NLRX1: variants seen among roughly 807,000 people sequenced by gnomAD.
NLRX1 encodes NOD-like receptor X1.
Under a neutral mutation model 74.2 loss-of-function variants are expected in NLRX1, and 67 were observed. The observed-to-expected ratio is 0.90, with a 90% CI of 0.74 to 1.11. The LOEUF (loss-of-function observed/expected upper bound fraction) is 1.11. Among genes scored for constraint, NLRX1 ranks in the 50% least tolerant of loss-of-function variants. The pLI is 0.00. For synonymous variants in NLRX1, 506 were observed against 559.1 expected, an observed-to-expected ratio of 0.91 and a Z score of 1.34; for missense variants, 1,191 against 1,305.4, an observed-to-expected ratio of 0.91 and a Z score of 1.35.
Position 119,172,368 on chromosome 11 carries a change from C to G in NLRX1, c.83C>G (p.Pro28Arg). Residue 28 changes from proline (P) to arginine (R), a missense_variant, in exon 3 of 10, where the codon CCC becomes CGC. By Grantham distance (103) the Pro-to-Arg change is moderately radical (BLOSUM62 -2). Transcript: ENST00000409109. ...CTTCTCTCTGTAGATGATCGTATCC[C>G]CTTCCTGATCCACTGGAGTTGGCCC... The part of the protein sequence containing the change: ...RALQRPDDRI[P>R]FLIHWSWPLQ... 2 of 1,613,656 alleles carry G rather than the reference C, an allele frequency of 1.2e-6. No individual in the cohort carries two copies. Among genetic ancestry groups the G allele is most frequent in the Non-Finnish European group, 1.7e-6 (2 of 1,179,536 alleles).
At chr11:119,172,518 G>A in intron 3 of NLRX1, 93 bp downstream of exon 3, 1 of 975,864 alleles carries the variant, frequency 1.0e-6, no homozygotes. Flanking sequence ...ATCTCTTGGG[G>A]ACCTTGGGGA....
chr11:119,173,219 C>A lies in NLRX1; in HGVS notation c.229+230C>A, dbSNP rs1038001304. ...AGAGCCATACCATCCCTATGCTCAA[C>A]AAAGTTGGGTCAAGCAGGTTAAGAC... On this transcript the variant is annotated intron_variant, in intron 4 of 9. Transcript: ENST00000409109. This position sits in a 1 kb window ranked among gnomAD's most constrained non-coding sequence, Gnocchi z 4.0. 2 of 615,732 alleles carry A rather than the reference C, an allele frequency of 3.2e-6. No individual in the cohort carries two copies. Among genetic ancestry groups the A allele is most frequent in the South Asian group, 2.0e-5 (1 of 50,758 alleles). 38.1% of individuals were successfully genotyped at this position (615,732 alleles called of 1,614,324 possible).
At position 119,175,194 on chromosome 11, in the gene NLRX1, G is replaced by A. The variant is rs1269649551; in HGVS notation, c.1591G>A (p.Glu531Lys). The A allele has an allele frequency of 2.5e-6, 4 of 1,614,084 alleles. No homozygotes were observed. Among genetic ancestry groups the A allele is most frequent in the Admixed American group, 1.7e-5 (1 of 60,002 alleles). ...EVAELVGRVG[E>K]DVSLVLGIMA... ...GGCTGAGCTCGTGGGCCGTGTTGGG[G>A]AGGACGTCAGCCTGGTACTGGGCAT... The change falls in exon 6 of 10, where the codon GAG becomes AAG. Residue 531 changes from glutamate to lysine, a missense_variant. Coordinates refer to ENST00000409109, the MANE Select transcript of NLRX1 (RefSeq NM_001282144.2).
Position 119,173,126 on chromosome 11 carries a change from C to T in NLRX1, c.229+137C>T. On this transcript the variant is annotated intron_variant, in intron 4 of 9. Coordinates refer to ENST00000409109, the MANE Select transcript of NLRX1 (RefSeq NM_001282144.2). This position sits in a 1 kb window ranked among gnomAD's most constrained non-coding sequence, Gnocchi z 4.0. Reference sequence around the variant, plus strand: ...TCCCTCCTCCTCTCTCTCTCTCCCTCCCATCCGTCTATGTATCCCTTCCTG... The same window carrying T: ...TCCCTCCTCCTCTCTCTCTCTCCCTTCCATCCGTCTATGTATCCCTTCCTG... 1.0e-5 allele frequency: 7 copies of T among 694,626 alleles called. No individual in the cohort carries two copies. Among genetic ancestry groups the T allele is most frequent in the Non-Finnish European group, 1.5e-5 (6 of 391,770 alleles). The allele number at this position is 694,626 out of a possible 1,614,324, so 43.0% of individuals were successfully genotyped here.
chr11:119,180,539 T>TA (rs1433329819), intron 7 of NLRX1, among the ~76,000 whole-genome samples: 1 of 151,924 alleles, frequency 6.6e-6, no homozygotes, highest in African/African-American at 2.4e-5. Context: ...CTGTCTCTAC[T>TA]AAAAATACAA....
chr11:119,173,097 G>C lies in NLRX1; in HGVS notation c.229+108G>C. ...GAGGATCCACTGCCATCTTCCATCG[G>C]TGGTCCCTCCTCCTCTCTCTCTCTC... is the stretch of plus-strand genomic sequence containing the variant. On this transcript the variant is annotated intron_variant, in intron 4 of 9. Coordinates refer to ENST00000409109, the MANE Select transcript of NLRX1 (RefSeq NM_001282144.2). This position sits in a 1 kb window ranked among gnomAD's most constrained non-coding sequence, Gnocchi z 4.0. 5 of 839,450 alleles carry C rather than the reference G, an allele frequency of 6.0e-6. No homozygotes were observed. Among genetic ancestry groups the C allele is most frequent in the Non-Finnish European group, 8.0e-6 (4 of 500,690 alleles). 52.0% of individuals were successfully genotyped at this position (839,450 alleles called of 1,614,324 possible).
chr11:119,173,427 C>G lies in NLRX1; in HGVS notation c.230-52C>G. 6.3e-7 allele frequency: 1 copy of G among 1,575,096 alleles called. No individual in the cohort carries two copies. The highest frequency in any genetic ancestry group is 1.2e-5 in the South Asian group (1 of 86,170). ...CACCACCGCCCTGATTGGCCCTAAG[C>G]TACATCTCCAGGCCCCTTTCCCTGA... On this transcript the variant is annotated intron_variant, in intron 4 of 9. Transcript: ENST00000409109. This position sits in a 1 kb window ranked among gnomAD's most constrained non-coding sequence, Gnocchi z 4.0.
intron 6 of NLRX1, 57 bp from the exon 7 acceptor site, chr11:119,179,636 T>TGAAGACTGAACAGGCACATG: frequency 8.1e-7 from 1 of 1,241,892 alleles, no homozygotes; most frequent in Non-Finnish European, 1.1e-6. Context: ...AGCTGAACCT[T>TGAAGACTGAACAGGCACATG]GAAGGCTGAA....
chr11:119,174,667 C>T lies in NLRX1; in HGVS notation c.1064C>T (p.Ser355Phe), dbSNP rs764098268. The change falls in exon 6 of 10, where the codon TCC (serine) becomes TTC (phenylalanine). Residue 355 changes from serine (S) to phenylalanine (F), a missense_variant. Ser to Phe is a radical substitution (Grantham distance 155). Coordinates refer to ENST00000409109, the MANE Select transcript of NLRX1 (RefSeq NM_001282144.2). ...AQRDHLVQML[S>F]RNLEGHHQIA... Reference sequence around the variant, plus strand: ...CGTGACCACCTGGTGCAGATGCTCTCCCGGAACCTGGAGGGGCACCACCAG... The same window carrying T: ...CGTGACCACCTGGTGCAGATGCTCTTCCGGAACCTGGAGGGGCACCACCAG... 112 of 1,613,906 alleles carry T rather than the reference C, an allele frequency of 6.9e-5. 2 individuals are homozygous for T. The South Asian group carries it at 1.2e-3, about 17-fold the overall frequency.
intron 6 of NLRX1, among the ~76,000 whole-genome samples, chr11:119,175,542 TA>T (rs1047338827): frequency 1.2e-4 from 19 of 152,294 alleles, no homozygotes; most frequent in African/African-American, 3.8e-4. Flanking sequence ...GGGACTTTAA[TA>T]ATAATGCTAC....
intron 6 of NLRX1, among the ~76,000 whole-genome samples, chr11:119,176,457 G>A (rs1007646778): frequency 5.3e-5 from 8 of 152,026 alleles, no homozygotes; most frequent in South Asian, 4.1e-4. Context: ...AGTGGCTCAC[G>A]CCTGTAATCC....
intron 5 of NLRX1, 48 bp from the exon 6 acceptor site, chr11:119,174,405 C>A: frequency 6.4e-7 from 1 of 1,566,010 alleles, no homozygotes; most frequent in South Asian, 1.2e-5. Context: ...TAGAAGCAGT[C>A]AACAGGACAC....
intron 8 of NLRX1, 110 bp from the exon 9 acceptor site, chr11:119,181,984 C>T: frequency 1.5e-6 from 2 of 1,373,426 alleles, no homozygotes; most frequent in Non-Finnish European, 2.0e-6. Context: ...TGGCCCAAGT[C>T]CTGACACCCA....
In NLRX1 at chr11:119,174,582, A is replaced by C; in HGVS notation, c.979A>C (p.Asn327His). The change falls in exon 6 of 10, where the codon AAC (asparagine) becomes CAC (histidine). Residue 327 changes from asparagine (N) to histidine (H), a missense_variant. Coordinates refer to ENST00000409109, the MANE Select transcript of NLRX1 (RefSeq NM_001282144.2). ...GAAGCTCTACTTCCAGCTCCGCCTC[A>C]ACCAGCCGTACTGCGGGTATGCCGT... ...LQKLYFQLRL[N>H]QPYCGYAVGG... The C allele has an allele frequency of 6.2e-7, 1 of 1,614,124 alleles. No homozygotes were observed. The highest frequency in any genetic ancestry group is 8.5e-7 in the Non-Finnish European group (1 of 1,180,030).
In NLRX1 at chr11:119,183,887, G is replaced by A. The variant is rs1411153971; in HGVS notation, c.*448G>A. On this transcript the variant is annotated 3_prime_UTR_variant, in exon 10 of 10. Coordinates refer to ENST00000409109, the MANE Select transcript of NLRX1 (RefSeq NM_001282144.2). This position sits in a 1 kb window ranked among gnomAD's most constrained non-coding sequence, Gnocchi z 5.7. ...CTTATGCTCACCTGTGGACACCGAG[G>A]ATGCCCTCACATTGGTGCTTTCTCC... is the stretch of plus-strand genomic sequence containing the variant. 2 of 780,840 alleles carry A rather than the reference G, an allele frequency of 2.6e-6. No homozygotes were observed. The highest frequency in any genetic ancestry group is 1.3e-5 in the South Asian group (1 of 74,606). The allele number at this position is 780,840 out of a possible 1,614,324, so 48.4% of individuals were successfully genotyped here.
rs1227445513 is a variant in NLRX1 at position 119,180,214 on chromosome 11, C to G, written c.2193C>G (p.Asn731Lys). 1 of 1,611,470 alleles carries G rather than the reference C, an allele frequency of 6.2e-7. No individual in the cohort carries two copies. Among genetic ancestry groups the G allele is most frequent in the Non-Finnish European group, 8.5e-7 (1 of 1,178,252 alleles). ...GAAGGCATGCCCTGGATGAGGTGAACTTGGCCTCCTGCCAGCTAGATCCTG... is the reference window on the plus strand; with the variant it reads ...GAAGGCATGCCCTGGATGAGGTGAAGTTGGCCTCCTGCCAGCTAGATCCTG... ...GSGRHALDEV[N>K]LASCQLDPAG... is the part of the protein sequence containing the mutation. The change falls in exon 7 of 10, where the codon AAC becomes AAG. Residue 731 changes from asparagine to lysine, a missense_variant. Physicochemically the swap from Asn to Lys is moderately conservative, Grantham distance 94 (BLOSUM62 0). Transcript: ENST00000409109.
rs151161124 is a variant in NLRX1 at position 119,172,594 on chromosome 11, G to A, written c.140+169G>A. On this transcript the variant is annotated intron_variant, in intron 3 of 9. Coordinates refer to ENST00000409109, the MANE Select transcript of NLRX1 (RefSeq NM_001282144.2). ...CAAGGCCTGAGAGGAAGTTGGCTTA[G>A]ATCATCTGTGGTAGAAGGCATAGTA... Among the ~76,000 whole-genome samples the A allele has an allele frequency of 7.4e-3, 1,122 of 152,294 alleles. 8 individuals are homozygous for A. The highest frequency in any genetic ancestry group is 0.011 in the Non-Finnish European group (742 of 68,024).
chr11:119,179,930 G>A lies in NLRX1; in HGVS notation c.1909G>A (p.Ala637Thr), dbSNP rs1206161243. The A allele has an allele frequency of 2.5e-6, 4 of 1,611,998 alleles. No homozygotes were observed. The highest frequency in any genetic ancestry group is 3.4e-6 in the Non-Finnish European group (4 of 1,178,414). The change falls in exon 7 of 10, where the codon GCT (alanine) becomes ACT (threonine). Residue 637 changes from alanine to threonine, a missense_variant. Ala to Thr is a moderately conservative substitution (Grantham distance 58). Transcript: ENST00000409109. ...GGGGCTTCTCTCTGCCCACAACCGA[G>A]CTGTGCTAGCTCAGCTTGGCTGCCC... ...MGGLLSAHNR[A>T]VLAQLGCPIK...
At position 119,174,523 on chromosome 11, in the gene NLRX1, G is replaced by GGT; in HGVS notation, c.920_921insGT (p.Glu308LeufsTer58). ...CCCAGCAAGTACGTGGGCCGCTATG[G>GGT]TGAGATCTGCGGTTTCTCTGATACC... On this transcript the variant is annotated frameshift_variant, in exon 6 of 10. Coordinates refer to ENST00000409109, the MANE Select transcript of NLRX1 (RefSeq NM_001282144.2). LOFTEE classifies it high-confidence loss of function. The GGT allele has an allele frequency of 6.2e-7, 1 of 1,614,218 alleles. No individual in the cohort carries two copies.
Sources: gnomAD v4.1 joint callset for allele counts (sites outside exome capture counted in the v4.1 genomes callset) on GRCh38, gnomAD v4.1.1 for gene constraint, Gnocchi (gnomAD v3.1) non-coding constraint, MANE v1.5 for transcripts, NCBI Gene and HGNC (gene_info 2026-07-23, HGNC 2026-07-21) for gene names.